Variants in DPP10 observed in about 807,000 individuals in gnomAD.
The protein encoded by DPP10 is inactive dipeptidyl peptidase 10.
Under a neutral mutation model 120.9 loss-of-function variants are expected in DPP10, and 33 were observed. The ratio of observed to expected loss-of-function variants is 0.27; its 90% CI spans 0.21 to 0.37. The LOEUF is 0.37. Among genes scored for constraint, DPP10 ranks in the 10% least tolerant of loss-of-function variants. The pLI, the probability that DPP10 is intolerant of heterozygous loss-of-function variation, is 1.00. For missense variants in DPP10, 816 were observed against 942.8 expected (o/e 0.87, Z 1.76); for synonymous variants, 337 against 326.1 (o/e 1.03, Z -0.36).
chr2:115,672,653 T>TC (rs2149445283), intron 5 of DPP10, among the ~76,000 whole-genome samples: 1 of 139,928 alleles, frequency 7.1e-6, no homozygotes, highest in South Asian at 2.3e-4. Context: ...TCTCTCTCTC[T>TC]TTCTTTCTTT....
At chr2:114,934,836 A>G (rs1175157713) in intron 1 of DPP10, among the ~76,000 whole-genome samples, 4 of 152,174 alleles carry the variant, frequency 2.6e-5, no homozygotes, top group Non-Finnish European at 4.4e-5. Context: ...AATAGAAAGT[A>G]GTATCATAGC....
chr2:115,632,225 G>T (rs2085932513), intron 5 of DPP10, among the ~76,000 whole-genome samples: 1 of 152,100 alleles, frequency 6.6e-6, no homozygotes, highest in Non-Finnish European at 1.5e-5. Flanking sequence ...CAGAAAACTA[G>T]GATTGCAACC....
chr2:114,983,649 T>C (rs1464846517), intron 1 of DPP10, among the ~76,000 whole-genome samples: 2 of 152,146 alleles, frequency 1.3e-5, no homozygotes, highest in Non-Finnish European at 1.5e-5. Flanking sequence ...AATTTACTAT[T>C]GAGTAGCAGA....
intron 5 of DPP10, among the ~76,000 whole-genome samples, chr2:115,584,317 A>G (rs1395473188): frequency 1.3e-5 from 2 of 152,212 alleles, no homozygotes; most frequent in African/African-American, 4.8e-5. Flanking sequence ...GAGCAAACGT[A>G]GTGGTCATTG....
At chr2:115,154,019 G>A (rs919670482) in intron 1 of DPP10, among the ~76,000 whole-genome samples, 2 of 152,100 alleles carry the variant, frequency 1.3e-5, no homozygotes, top group Admixed American at 1.3e-4. Flanking sequence ...TTTAATATGT[G>A]TGCAGAGGAT....
intron 1 of DPP10, among the ~76,000 whole-genome samples, chr2:115,088,447 A>G (rs961614770): frequency 1.3e-5 from 2 of 151,740 alleles, no homozygotes. Context: ...TTTTTCTTTT[A>G]TTTTCTCCTT....
intron 5 of DPP10, among the ~76,000 whole-genome samples, chr2:115,613,933 C>T (rs1196767785): frequency 6.6e-6 from 1 of 152,124 alleles, no homozygotes; most frequent in Non-Finnish European, 1.5e-5. Context: ...GAGAGTGACT[C>T]CCATGCCTCT....
At chr2:115,336,794 T>A (rs1161430438) in intron 2 of DPP10, among the ~76,000 whole-genome samples, 1 of 152,054 alleles carries the variant, frequency 6.6e-6, no homozygotes, top group Non-Finnish European at 1.5e-5. Flanking sequence ...TAATAATATT[T>A]TGAAAGAGTG....
At chr2:114,879,301 T>C (rs915022010) in intron 1 of DPP10, among the ~76,000 whole-genome samples, 7 of 152,068 alleles carry the variant, frequency 4.6e-5, no homozygotes, top group African/African-American at 1.4e-4. Context: ...TGATTCATGT[T>C]TTTGTTATTT....
chr2:114,533,543 G>C (rs1366618714), intron 1 of DPP10, among the ~76,000 whole-genome samples: 1 of 151,784 alleles, frequency 6.6e-6, no homozygotes, highest in East Asian at 1.9e-4. Flanking sequence ...TGGGTTAATA[G>C]GTGCAGCAAA....
chr2:115,170,064 CAGAG>C (rs1268165065), intron 1 of DPP10, among the ~76,000 whole-genome samples: 4 of 152,076 alleles, frequency 2.6e-5, no homozygotes, highest in Non-Finnish European at 5.9e-5. Context: ...AATAATGGAC[CAGAG>C]AGACCACTTG....
chr2:115,667,726 T>C (rs2089568073), intron 5 of DPP10, among the ~76,000 whole-genome samples: 1 of 152,166 alleles, frequency 6.6e-6, no homozygotes, highest in African/African-American at 2.4e-5. Context: ...CATGCCATTT[T>C]GGTTACTGCA....
chr2:115,442,674 AAATCT>A (rs2072189251), intron 3 of DPP10, among the ~76,000 whole-genome samples: 1 of 152,212 alleles, frequency 6.6e-6, no homozygotes, highest in Non-Finnish European at 1.5e-5. Flanking sequence ...AACTGAACAC[AAATCT>A]AAAGACAAAT....
At chr2:114,712,298 C>T (rs972898221) in intron 1 of DPP10, among the ~76,000 whole-genome samples, 5 of 152,054 alleles carry the variant, frequency 3.3e-5, no homozygotes, top group African/African-American at 4.8e-5. Flanking sequence ...CCAGCCTGGG[C>T]GACACAGTGA....
At chr2:115,589,974 T>C (rs2082530763) in intron 5 of DPP10, among the ~76,000 whole-genome samples, 1 of 152,224 alleles carries the variant, frequency 6.6e-6, no homozygotes, top group South Asian at 2.1e-4. Flanking sequence ...CTTTTCATTA[T>C]CTAACCCTCT....
intron 1 of DPP10, among the ~76,000 whole-genome samples, chr2:114,803,975 C>T (rs192321544): frequency 9.3e-4 from 142 of 152,326 alleles, no homozygotes; most frequent in African/African-American, 3.2e-3. Context: ...ATCACAGGCC[C>T]GGAGGCCCTG....
At chr2:115,694,604 A>C (rs979805786) in intron 7 of DPP10, among the ~76,000 whole-genome samples, 25 of 152,198 alleles carry the variant, frequency 1.6e-4, no homozygotes, top group African/African-American at 6.0e-4. Context: ...ATTGAATAGA[A>C]ATGGTTTGGG....
intron 5 of DPP10, among the ~76,000 whole-genome samples, chr2:115,658,656 G>T (rs1575458286): frequency 6.6e-6 from 1 of 152,030 alleles, no homozygotes; most frequent in Non-Finnish European, 1.5e-5. Flanking sequence ...AGATCTATGA[G>T]AACTGAATCT....
In DPP10 at chr2:115,568,737, C is replaced by T. The variant is rs574591196; in HGVS notation, c.441+42765C>T. Among the ~76,000 whole-genome samples, 106 of 152,158 alleles carry T rather than the reference C, an allele frequency of 7.0e-4. 1 individual carries two copies. Among genetic ancestry groups the T allele is most frequent in the African/African-American group, 2.4e-3 (99 of 41,532 alleles). ...CTGGGTATGTTCTCCACTTATGCTTCGCCCAGGCTAAGCTGTCAGTCAGTG... is the reference window on the plus strand; with the variant it reads ...CTGGGTATGTTCTCCACTTATGCTTTGCCCAGGCTAAGCTGTCAGTCAGTG... On this transcript the variant is annotated intron_variant, in intron 5 of 25. Coordinates refer to ENST00000410059, the MANE Select transcript of DPP10 (RefSeq NM_020868.6).
Sources: allele counts gnomAD v4.1 joint callset (sites outside exome capture counted in the v4.1 genomes callset), GRCh38; gene constraint gnomAD v4.1.1; transcripts MANE v1.5; gene names NCBI Gene and HGNC (gene_info 2026-07-23, HGNC 2026-07-21).